ABTB2: variants seen among roughly 807,000 people sequenced by gnomAD.
ABTB2 encodes ankyrin repeat and BTB/POZ domain-containing protein 2.
A neutral mutation model predicts 104.1 loss-of-function variants in ABTB2; 56 were observed. That is an observed-to-expected ratio of 0.54 (90% CI 0.43 to 0.67). ABTB2 has a LOEUF of 0.67. Ranked by LOEUF, ABTB2 falls within the 30% of genes least tolerant of loss-of-function variation. ABTB2 has a pLI of 0.00. For synonymous variants in ABTB2, 606 were observed against 608.2 expected (o/e 1.00, Z 0.05); for missense variants, 1,279 against 1,407.7 (o/e 0.91, Z 1.46).
At chr11:34,191,180 G>C (rs1016460156) in intron 3 of ABTB2, among the ~76,000 whole-genome samples, 1 of 152,086 alleles carries the variant, frequency 6.6e-6, no homozygotes, top group Non-Finnish European at 1.5e-5. Flanking sequence ...GAGGTGGGAG[G>C]ATCACTTGCA....
rs533713337 is a variant in ABTB2 at position 34,171,007 on chromosome 11, G to C, written c.1462C>G (p.Gln488Glu). ...TTGAGCATGCGGAAACCCAGGTCCT[G>C]GTTGAATTTTTCAGTAGCTGCTCGG... Reference protein sequence around the residue: ...DARAATEKFNQDLGFRMLNCG... With the variant: ...DARAATEKFNEDLGFRMLNCG... The change falls in exon 5 of 17, where the codon CAG (glutamine) becomes GAG (glutamate). Residue 488 changes from glutamine (Q) to glutamate (E), a missense_variant. Gln to Glu is a conservative substitution (Grantham distance 29). Transcript: ENST00000435224. 1.1e-5 allele frequency: 17 copies of C among 1,614,198 alleles called. No homozygotes were observed. The East Asian group carries it at 3.8e-4, about 36-fold the overall frequency.
chr11:34,228,547 G>C (rs1415189292), intron 1 of ABTB2, among the ~76,000 whole-genome samples: 3 of 151,762 alleles, frequency 2.0e-5, no homozygotes, highest in Admixed American at 6.6e-5. Context: ...ACCATACCTA[G>C]ATAATTTTTA....
At chr11:34,272,706 C>CAAAAAAAAA (rs35638814) in intron 1 of ABTB2, among the ~76,000 whole-genome samples, 525 of 40,484 alleles carry the variant, frequency 0.013, 2 homozygotes, top group East Asian at 0.022. Context: ...GACTCCGTCT[C>CAAAAAAAAA]AAAAAAAAAA....
At chr11:34,262,528 C>G (rs1031026351) in intron 1 of ABTB2, among the ~76,000 whole-genome samples, 1 of 152,186 alleles carries the variant, frequency 6.6e-6, no homozygotes, top group Non-Finnish European at 1.5e-5. Context: ...CATAGCTAGG[C>G]TGTGGGTATC....
chr11:34,156,557 C>T (rs1195552626), intron 14 of ABTB2, among the ~76,000 whole-genome samples: 2 of 149,422 alleles, frequency 1.3e-5, no homozygotes, highest in African/African-American at 4.9e-5. Context: ...GAGTTTCGCT[C>T]TTGTCGCCCA....
intron 14 of ABTB2, among the ~76,000 whole-genome samples, chr11:34,155,487 A>G (rs575115926): frequency 1.3e-5 from 2 of 152,342 alleles, no homozygotes; most frequent in East Asian, 3.9e-4. Context: ...ATCACGCTGG[A>G]GCCTAGTGAG....
At chr11:34,353,492 G>A (rs1855424962) in intron 1 of ABTB2, among the ~76,000 whole-genome samples, 1 of 152,214 alleles carries the variant, frequency 6.6e-6, no homozygotes, top group Non-Finnish European at 1.5e-5. Context: ...CCTCCCGTAA[G>A]GAAGTCATGA....
chr11:34,335,121 C>A (rs1385976987), intron 1 of ABTB2: 3 of 1,197,378 alleles, frequency 2.5e-6, no homozygotes, highest in Non-Finnish European at 3.7e-6. Flanking sequence ...CCGCTAATTT[C>A]CACTTAATTT....
intron 2 of ABTB2, among the ~76,000 whole-genome samples, chr11:34,202,971 G>A (rs751217877): frequency 1.1e-4 from 16 of 152,190 alleles, no homozygotes; most frequent in Non-Finnish European, 1.6e-4. Context: ...CTTGGCTAGC[G>A]GTAATGGCAG....
At chr11:34,247,579 T>C (rs1293345348) in intron 1 of ABTB2, among the ~76,000 whole-genome samples, 2 of 152,242 alleles carry the variant, frequency 1.3e-5, no homozygotes, top group Non-Finnish European at 2.9e-5. Context: ...TTTTGATTTA[T>C]ATTTTCAATT....
At chr11:34,157,310 C>A (rs945773677) in intron 14 of ABTB2, among the ~76,000 whole-genome samples, 3 of 152,228 alleles carry the variant, frequency 2.0e-5, no homozygotes, top group Admixed American at 1.3e-4. Flanking sequence ...GCAAGAGGCC[C>A]AGGGGAAGGC....
At chr11:34,287,927 C>T (rs947477204) in intron 1 of ABTB2, among the ~76,000 whole-genome samples, 1 of 152,132 alleles carries the variant, frequency 6.6e-6, no homozygotes, top group Non-Finnish European at 1.5e-5. Flanking sequence ...GTCCCACCAT[C>T]GTATCCACAT....
chr11:34,258,006 G>A (rs570020771), intron 1 of ABTB2, among the ~76,000 whole-genome samples: 1 of 152,184 alleles, frequency 6.6e-6, no homozygotes, highest in African/African-American at 2.4e-5. Flanking sequence ...CAGTCTCCCT[G>A]AGTCCCCAGC....
intron 1 of ABTB2, among the ~76,000 whole-genome samples, chr11:34,279,834 G>A (rs900907075): frequency 7.0e-6 from 1 of 142,712 alleles, no homozygotes; most frequent in Non-Finnish European, 1.5e-5. Context: ...CGTCACCCAG[G>A]CTGGAGTGCA....
At chr11:34,218,387 C>T (rs2133048707) in intron 1 of ABTB2, among the ~76,000 whole-genome samples, 1 of 152,050 alleles carries the variant, frequency 6.6e-6, no homozygotes, top group Middle Eastern at 3.4e-3. Flanking sequence ...CAAGGTCATC[C>T]TAGATTTTTT....
At chr11:34,270,657 C>A (rs1305340607) in intron 1 of ABTB2, among the ~76,000 whole-genome samples, 1 of 152,098 alleles carries the variant, frequency 6.6e-6, no homozygotes, top group East Asian at 1.9e-4. Flanking sequence ...TTTCCTTCCT[C>A]CACCTCAGAG....
At chr11:34,222,469 G>C (rs1432042606) in intron 1 of ABTB2, among the ~76,000 whole-genome samples, 1 of 152,088 alleles carries the variant, frequency 6.6e-6, no homozygotes, top group Non-Finnish European at 1.5e-5. Flanking sequence ...TTTAATTTTG[G>C]TTCACAGAGC....
intron 14 of ABTB2, among the ~76,000 whole-genome samples, chr11:34,158,009 A>G (rs1472200809): frequency 6.6e-6 from 1 of 152,212 alleles, no homozygotes. Flanking sequence ...AGGGGATAAT[A>G]ACATACCTAC....
intron 1 of ABTB2, among the ~76,000 whole-genome samples, chr11:34,306,405 C>G (rs1854772658): frequency 1.3e-5 from 2 of 151,842 alleles, no homozygotes; most frequent in South Asian, 2.1e-4. Flanking sequence ...CACCACCACA[C>G]CTGGTTAATT....
Sources: gnomAD v4.1 joint callset for allele counts (sites outside exome capture counted in the v4.1 genomes callset) on GRCh38, gnomAD v4.1.1 for gene constraint, MANE v1.5 for transcripts, NCBI Gene and HGNC (gene_info 2026-07-23, HGNC 2026-07-21) for gene names.